DNAH2: variants seen among roughly 807,000 people sequenced by gnomAD.
DNAH2 encodes the protein dynein axonemal heavy chain 2.
In DNAH2, 323 loss-of-function variants were observed where a neutral mutation model predicts 523.5. That is an observed-to-expected ratio of 0.62 (90% CI 0.56 to 0.68). DNAH2 has a LOEUF of 0.68. DNAH2 is among the 30% of genes least tolerant of loss of function. DNAH2 has a pLI of 0.00. For missense variants in DNAH2, 4,907 were observed against 5,701.5 expected (o/e 0.86, Z 4.49); for synonymous variants, 2,093 against 2,177.4 (o/e 0.96, Z 1.08).
Position 7,807,147 on chromosome 17 carries a change from CA to C in DNAH2, c.9443-2del. ...GCTAAGGCCCCTAATTTTCATCCCACAGGGGAACAGAACTTCATCAAGTCAC... is the reference window on the plus strand; with the variant it reads ...GCTAAGGCCCCTAATTTTCATCCCACGGGGAACAGAACTTCATCAAGTCAC... On this transcript the variant is annotated splice_acceptor_variant, in intron 61 of 85. Transcript: ENST00000572933. LOFTEE classifies it high-confidence loss of function. The surrounding 1 kb of genome is among the most constrained non-coding windows in gnomAD (Gnocchi z 5.6). 1.9e-6 allele frequency: 3 copies of C among 1,604,252 alleles called. No individual in the cohort carries two copies. Among genetic ancestry groups the C allele is most frequent in the Non-Finnish European group, 2.5e-6 (3 of 1,179,696 alleles).
chr17:7,794,447 G>C (rs1481045601), intron 49 of DNAH2, 89 bp downstream of exon 49: 1 of 1,198,176 alleles, frequency 8.3e-7, no homozygotes, highest in Non-Finnish European at 1.2e-6. Context: ...ATCCCAGGGG[G>C]CTGCGGCACC....
chr17:7,802,568 T>A (rs1597713786), intron 58 of DNAH2, among the ~76,000 whole-genome samples: 1 of 152,180 alleles, frequency 6.6e-6, no homozygotes, highest in African/African-American at 2.4e-5. Context: ...CCTAATACAA[T>A]GTAAATGCTA....
chr17:7,797,921 C>A, intron 53 of DNAH2, 92 bp downstream of exon 53: 1 of 1,500,682 alleles, frequency 6.7e-7, no homozygotes, highest in East Asian at 2.3e-5. Context: ...TCTCCCAAAT[C>A]AAGTTCCAGA....
At chr17:7,803,878 G>A (rs2077290154) in intron 58 of DNAH2, among the ~76,000 whole-genome samples, 1 of 152,176 alleles carries the variant, frequency 6.6e-6, no homozygotes, top group African/African-American at 2.4e-5. Context: ...ATTCCCATAG[G>A]GAAAAAAAAC....
intron 35 of DNAH2, 92 bp from the exon 36 acceptor site, chr17:7,779,151 A>G: frequency 6.7e-7 from 1 of 1,482,868 alleles, no homozygotes; most frequent in Admixed American, 1.9e-5. Flanking sequence ...CGCCTCGCCT[A>G]TTGAAACATT....
In DNAH2 at chr17:7,740,911, C is replaced by T. The variant is rs779165031; in HGVS notation, c.1608C>T (p.Asp536=). Residue 536 remains aspartate (D), a synonymous_variant, in exon 11 of 86, where the codon GAC becomes GAT. Coordinates refer to ENST00000572933, the MANE Select transcript of DNAH2 (RefSeq NM_020877.5). The stretch of plus-strand genomic sequence containing the variant: ...GTGAACGGAACAAGAAATGGCCAGA[C>T]CTGGAGCCCTACGTGGCCCAGTATT... The part of the protein sequence containing the change: ...VNRERNKKWP[D]LEPYVAQYSG... 1.9e-6 allele frequency: 3 copies of T among 1,613,926 alleles called. No homozygotes were observed. Among genetic ancestry groups the T allele is most frequent in the Admixed American group, 1.7e-5 (1 of 60,022 alleles).
In DNAH2 at chr17:7,737,201, C is replaced by A; in HGVS notation, c.1113C>A (p.Ile371=). 1 of 1,614,142 alleles carries A rather than the reference C, an allele frequency of 6.2e-7. No individual in the cohort carries two copies. The highest frequency in any genetic ancestry group is 8.5e-7 in the Non-Finnish European group (1 of 1,180,038). ...LPKLISLIRI[I]WVNSPHYNTR... is the part of the protein sequence containing the mutation. Reference sequence around the variant, plus strand: ...AGCTGATCAGTCTCATCCGCATCATCTGGGTCAACTCTCCCCACTACAACA... The same window carrying A: ...AGCTGATCAGTCTCATCCGCATCATATGGGTCAACTCTCCCCACTACAACA... The change falls in exon 8 of 86, where the codon ATC becomes ATA. Residue 371 remains isoleucine, a synonymous_variant. Transcript: ENST00000572933.
intron 9 of DNAH2, 105 bp downstream of exon 9, chr17:7,740,043 A>G (rs538483087): frequency 2.5e-6 from 2 of 795,906 alleles, no homozygotes; most frequent in African/African-American, 5.1e-5. Context: ...GTGGAAGGAC[A>G]GATCGGGATC....
At chr17:7,735,101 G>C (rs1241534708) in intron 7 of DNAH2, among the ~76,000 whole-genome samples, 2 of 152,088 alleles carry the variant, frequency 1.3e-5, no homozygotes, top group African/African-American at 4.8e-5. Flanking sequence ...CCAAGGAAAA[G>C]GGATAAATAC....
chr17:7,719,588 T>G lies in DNAH2; in HGVS notation c.-14-133T>G. 2.6e-6 allele frequency: 3 copies of G among 1,143,064 alleles called. No individual in the cohort carries two copies. In the South Asian group the frequency reaches 4.1e-5, roughly 16 times the overall value. The allele number at this position is 1,143,064 out of a possible 1,614,324, so 70.8% of individuals were successfully genotyped here. The stretch of plus-strand genomic sequence containing the variant: ...AGCCCTTGTGGTTAATGGAGCAGGG[T>G]GTGGGTACCACCAGAAAAGATGATC... On this transcript the variant is annotated intron_variant, in intron 1 of 85. Coordinates refer to ENST00000572933, the MANE Select transcript of DNAH2 (RefSeq NM_020877.5).
At chr17:7,796,126 G>A (rs933396361) in intron 49 of DNAH2, among the ~76,000 whole-genome samples, 7 of 137,898 alleles carry the variant, frequency 5.1e-5, no homozygotes, top group African/African-American at 1.1e-4. Flanking sequence ...TTGGCTCACC[G>A]CAACCTCCGC....
At chr17:7,797,369 C>G in intron 51 of DNAH2, 31 bp from the exon 52 acceptor site, 1 of 1,613,964 alleles carries the variant, frequency 6.2e-7, no homozygotes, top group South Asian at 1.1e-5. Flanking sequence ...CCTCTTTATT[C>G]CCCGATCTCA....
chr17:7,775,705 G>GAAAAAAAAA (rs34099534), intron 30 of DNAH2, among the ~76,000 whole-genome samples: 1 of 123,032 alleles, frequency 8.1e-6, no homozygotes, highest in Admixed American at 8.5e-5. Context: ...AAAAAAAAAA[G>GAAAAAAAAA]AAAAAAAAAA....
At chr17:7,738,115 C>T (rs2075195897) in intron 8 of DNAH2, 1 of 703,350 alleles carries the variant, frequency 1.4e-6, no homozygotes, top group Non-Finnish European at 2.6e-6. Flanking sequence ...TGCAGATGCA[C>T]ATCCAGTATG....
At position 7,796,571 on chromosome 17, in the gene DNAH2, C is replaced by G. The variant is rs766827143; in HGVS notation, c.7782C>G (p.Asp2594Glu). 4.1e-5 allele frequency: 66 copies of G among 1,613,512 alleles called. No individual in the cohort carries two copies. Among genetic ancestry groups the G allele is most frequent in the Non-Finnish European group, 5.5e-5 (65 of 1,179,958 alleles). ...IGNVVTEATL[D>E]MYNTVVQRFL... ...ACGTGGTGACAGAGGCCACCCTGGA[C>G]ATGTACAACACCGTGGTACAGCGCT... Residue 2594 changes from aspartate (D) to glutamate (E), a missense_variant, in exon 50 of 86, where the codon GAC becomes GAG. By Grantham distance (45) the Asp-to-Glu change is conservative. Transcript: ENST00000572933.
At chr17:7,810,555 A>T (rs1395654149) in intron 63 of DNAH2, among the ~76,000 whole-genome samples, 1 of 151,188 alleles carries the variant, frequency 6.6e-6, no homozygotes, top group Non-Finnish European at 1.5e-5. Context: ...CGCCCGGCTA[A>T]TTTTTGTATT....
rs754122513 is a variant in DNAH2, at chr17:7,816,654, G to A, written c.9813G>A (p.Glu3271=). 2 of 1,614,258 alleles carry A rather than the reference G, an allele frequency of 1.2e-6. No individual in the cohort carries two copies. Among genetic ancestry groups the A allele is most frequent in the Non-Finnish European group, 8.5e-7 (1 of 1,180,050 alleles). ...QKEELRKKSE[E]MELKLERAGM... is the part of the protein sequence containing the mutation. ...AGGAGCTTCGCAAGAAGTCTGAAGAGATGGAGCTGAAGCTGGAGCGAGCTG... is the reference window on the plus strand; with the variant it reads ...AGGAGCTTCGCAAGAAGTCTGAAGAAATGGAGCTGAAGCTGGAGCGAGCTG... Residue 3271 remains glutamate (E), a synonymous_variant, in exon 64 of 86, where the codon GAG becomes GAA. Transcript: ENST00000572933.
At chr17:7,764,617 C>T (rs927194219) in intron 20 of DNAH2, among the ~76,000 whole-genome samples, 10 of 151,546 alleles carry the variant, frequency 6.6e-5, no homozygotes, top group East Asian at 1.9e-4. Flanking sequence ...CACGCCACCA[C>T]GCCTTGCTGA....
In DNAH2 at chr17:7,830,418, T is replaced by C. The variant is rs1462023463; in HGVS notation, c.11972T>C (p.Val3991Ala). Residue 3991 changes from valine to alanine, a missense_variant, in exon 78 of 86, where the codon GTG becomes GCG. By Grantham distance (64) the Val-to-Ala change is moderately conservative. Transcript: ENST00000572933. ...LLFSLCFFHS[V>A]LLERKKFLQL... ...TTTTCACTCTGTTTCTTCCACTCTGTGTTACTTGAACGCAAAAAGTTCCTG... is the reference window on the plus strand; with the variant it reads ...TTTTCACTCTGTTTCTTCCACTCTGCGTTACTTGAACGCAAAAAGTTCCTG... The C allele has an allele frequency of 6.2e-7, 1 of 1,614,274 alleles. No homozygotes were observed.
Sources: allele counts gnomAD v4.1 joint callset (sites outside exome capture counted in the v4.1 genomes callset), GRCh38; gene constraint gnomAD v4.1.1; non-coding constraint Gnocchi (gnomAD v3.1); transcripts MANE v1.5; gene names NCBI Gene and HGNC (gene_info 2026-07-23, HGNC 2026-07-21).